LINGO2: variants seen among roughly 807,000 people sequenced by gnomAD.
LINGO2 encodes the protein leucine-rich repeat and immunoglobulin-like domain-containing nogo receptor-interacting protein 2.
A neutral mutation model predicts 30.6 loss-of-function variants in LINGO2; 14 were observed. The observed-to-expected ratio is 0.46, with a 90% CI of 0.30 to 0.72. The LOEUF is 0.72. Among genes scored for constraint, LINGO2 ranks in the 30% least tolerant of loss-of-function variants. The probability of loss-of-function intolerance (pLI) is 0.07; values close to 1 mark genes in which losing one functional copy is unlikely to be tolerated. For synonymous variants in LINGO2, 317 were observed against 288.5 expected, an observed-to-expected ratio of 1.10 and a Z score of -1.00; for missense variants, 729 against 751.7, an observed-to-expected ratio of 0.97 and a Z score of 0.35.
intron 4 of LINGO2, among the ~76,000 whole-genome samples, chr9:28,241,805 G>A (rs1821810858): frequency 6.6e-6 from 1 of 152,072 alleles, no homozygotes; most frequent in Non-Finnish European, 1.5e-5. Flanking sequence ...CAGCCTCCCT[G>A]AATAACATCT....
chr9:28,305,648 C>G (rs879723678), intron 3 of LINGO2, among the ~76,000 whole-genome samples: 1 of 151,948 alleles, frequency 6.6e-6, no homozygotes, highest in Admixed American at 6.6e-5. Flanking sequence ...GGGGATGACT[C>G]TTTCACAACG....
chr9:29,027,935 G>A, the LINGO2 span, among the ~76,000 whole-genome samples: 2 of 152,176 alleles, frequency 1.3e-5, no homozygotes, highest in Non-Finnish European at 2.9e-5. Flanking sequence ...ATGGAGTAGA[G>A]GCAGATCAAC....
intron 4 of LINGO2, among the ~76,000 whole-genome samples, chr9:28,230,928 C>A (rs1401341719): frequency 2.0e-5 from 3 of 151,832 alleles, no homozygotes; most frequent in Admixed American, 2.0e-4. Flanking sequence ...AGTATCAAAT[C>A]AAATACTGTC....
chr9:28,577,334 T>C (rs1824038980), intron 1 of LINGO2, among the ~76,000 whole-genome samples: 1 of 152,118 alleles, frequency 6.6e-6, no homozygotes. Context: ...ACCAGATGAC[T>C]TCACTGGATG....
intron 3 of LINGO2, among the ~76,000 whole-genome samples, chr9:28,335,896 T>C (rs1392243011): frequency 1.3e-5 from 2 of 152,144 alleles, no homozygotes; most frequent in African/African-American, 4.8e-5. Flanking sequence ...GCAATTTACA[T>C]TCATTTCCAG....
chr9:28,440,408 T>C (rs985956999), intron 2 of LINGO2, among the ~76,000 whole-genome samples: 3 of 152,316 alleles, frequency 2.0e-5, no homozygotes, highest in Admixed American at 2.0e-4. Flanking sequence ...GAAAAATGTC[T>C]TTTAGCTCTT....
chr9:28,244,860 A>T (rs1380270256), intron 4 of LINGO2, among the ~76,000 whole-genome samples: 1 of 151,758 alleles, frequency 6.6e-6, no homozygotes, highest in Non-Finnish European at 1.5e-5. Context: ...ATTCACAGCC[A>T]AATTCTACCA....
the LINGO2 span, among the ~76,000 whole-genome samples, chr9:28,744,912 G>C: frequency 6.6e-6 from 1 of 151,868 alleles, no homozygotes; most frequent in East Asian, 1.9e-4. Flanking sequence ...TGGGATTACA[G>C]GTGTGAGCCA....
chr9:28,173,935 A>G (rs912363469), intron 4 of LINGO2, among the ~76,000 whole-genome samples: 4 of 152,216 alleles, frequency 2.6e-5, no homozygotes, highest in Non-Finnish European at 5.9e-5. Flanking sequence ...TCTGCTTTAA[A>G]ATTGTATTCT....
intron 2 of LINGO2, among the ~76,000 whole-genome samples, chr9:28,437,221 A>G (rs1469324149): frequency 6.6e-6 from 1 of 152,038 alleles, no homozygotes; most frequent in African/African-American, 2.4e-5. Flanking sequence ...AAAGGCAAAC[A>G]CTTTTCTTTC....
chr9:28,318,586 C>A (rs1587458724), intron 3 of LINGO2, among the ~76,000 whole-genome samples: 1 of 151,952 alleles, frequency 6.6e-6, no homozygotes, highest in East Asian at 1.9e-4. Flanking sequence ...TGCTTTTTCA[C>A]AACTATAAAA....
At chr9:28,942,301 TA>T in the LINGO2 span, among the ~76,000 whole-genome samples, 5 of 152,158 alleles carry the variant, frequency 3.3e-5, no homozygotes, top group Admixed American at 3.3e-4. Context: ...TAAAGCTATA[TA>T]AAACTATAAC....
chr9:28,465,335 C>G (rs576885242), intron 2 of LINGO2, among the ~76,000 whole-genome samples: 1 of 152,254 alleles, frequency 6.6e-6, no homozygotes, highest in Non-Finnish European at 1.5e-5. Flanking sequence ...TAACCATCCC[C>G]GGCTGAACTC....
At chr9:28,388,934 G>C (rs975556519) in intron 2 of LINGO2, among the ~76,000 whole-genome samples, 11 of 152,036 alleles carry the variant, frequency 7.2e-5, no homozygotes, top group African/African-American at 1.9e-4. Flanking sequence ...TTCCCAAGTA[G>C]AATGAATTCA....
chr9:27,992,964 G>A (rs567865860), intron 5 of LINGO2, among the ~76,000 whole-genome samples: 1 of 152,202 alleles, frequency 6.6e-6, no homozygotes, highest in African/African-American at 2.4e-5. Context: ...AACTATGGGA[G>A]CTATTTTTTC....
intron 4 of LINGO2, among the ~76,000 whole-genome samples, chr9:28,139,315 C>T (rs1827609470): frequency 6.6e-6 from 1 of 152,186 alleles, no homozygotes; most frequent in Non-Finnish European, 1.5e-5. Context: ...TTTACATATA[C>T]CTTATTTATA....
At chr9:28,937,268 A>G in the LINGO2 span, among the ~76,000 whole-genome samples, 1 of 152,162 alleles carries the variant, frequency 6.6e-6, no homozygotes. Context: ...TAAATATCAC[A>G]TATCGCGTAT....
intron 4 of LINGO2, among the ~76,000 whole-genome samples, chr9:28,216,920 C>A: frequency 6.6e-6 from 1 of 151,728 alleles, no homozygotes; most frequent in Non-Finnish European, 1.5e-5. Flanking sequence ...TATTCTCTTG[C>A]GCACATGAAA....
chr9:28,949,651 A>G, the LINGO2 span, among the ~76,000 whole-genome samples: 1 of 152,170 alleles, frequency 6.6e-6, no homozygotes, highest in South Asian at 2.1e-4. Flanking sequence ...CCAGGACCAG[A>G]TGGATTCACA....
Sources: allele counts gnomAD v4.1 joint callset (sites outside exome capture counted in the v4.1 genomes callset), GRCh38; gene constraint gnomAD v4.1.1; transcripts MANE v1.5; gene names NCBI Gene and HGNC (gene_info 2026-07-23, HGNC 2026-07-21).